The following ARHGEF3 variants were observed in gnomAD, a reference collection of about 807,000 sequenced individuals.
ARHGEF3 encodes 59.8 kDA protein.
Under a neutral mutation model 63.2 loss-of-function variants are expected in ARHGEF3, and 28 were observed. The observed-to-expected ratio is 0.44, with a 90% CI of 0.33 to 0.61. The LOEUF (loss-of-function observed/expected upper bound fraction) is 0.61, where lower values mean the gene tolerates loss of function less well. ARHGEF3 is among the 20% of genes least tolerant of loss of function. The pLI, the probability that ARHGEF3 is intolerant of heterozygous loss-of-function variation, is 0.03. For synonymous variants in ARHGEF3, 266 were observed against 254.2 expected (o/e 1.05, Z -0.44); for missense variants, 533 against 659.3 (o/e 0.81, Z 2.10).
intron 4 of ARHGEF3, among the ~76,000 whole-genome samples, chr3:56,868,799 G>A (rs896850044): frequency 3.3e-5 from 5 of 152,114 alleles, no homozygotes; most frequent in East Asian, 1.9e-4. Context: ...GCTTAGATGC[G>A]CCTTCTCTGT....
intron 2 of ARHGEF3, among the ~76,000 whole-genome samples, chr3:56,981,960 A>G (rs1262731286): frequency 1.3e-5 from 2 of 152,216 alleles, no homozygotes; most frequent in Non-Finnish European, 2.9e-5. Flanking sequence ...GGCTCCAGAG[A>G]TGGGCATGTA....
At chr3:56,987,536 A>C (rs1169661720) in intron 2 of ARHGEF3, among the ~76,000 whole-genome samples, 2 of 151,832 alleles carry the variant, frequency 1.3e-5, no homozygotes, top group Non-Finnish European at 2.9e-5. Context: ...GATGAAAGGG[A>C]CTCTGGGGAC....
chr3:56,929,946 G>C (rs567180533), intron 3 of ARHGEF3, among the ~76,000 whole-genome samples: 12 of 152,120 alleles, frequency 7.9e-5, no homozygotes, highest in Admixed American at 2.0e-4. Flanking sequence ...AACTGACAAT[G>C]CTTTTGCCAG....
intron 2 of ARHGEF3, among the ~76,000 whole-genome samples, chr3:56,970,000 G>C (rs1700839249): frequency 6.6e-6 from 1 of 152,128 alleles, no homozygotes; most frequent in African/African-American, 2.4e-5. Context: ...CAAATCCATA[G>C]AGTCAGAAAG....
At chr3:56,854,297 C>A (rs1443405970) in intron 4 of ARHGEF3, among the ~76,000 whole-genome samples, 1 of 152,082 alleles carries the variant, frequency 6.6e-6, no homozygotes, top group African/African-American at 2.4e-5. Flanking sequence ...AGGACTATGT[C>A]AAGGAAGCCC....
intron 2 of ARHGEF3, among the ~76,000 whole-genome samples, chr3:56,768,936 T>C (rs2035862117): frequency 6.6e-6 from 1 of 152,142 alleles, no homozygotes; most frequent in South Asian, 2.1e-4. Flanking sequence ...GAGATAAGGC[T>C]GAATAGACTG....
At chr3:56,953,793 A>C (rs1464238698) in intron 3 of ARHGEF3, among the ~76,000 whole-genome samples, 1 of 152,158 alleles carries the variant, frequency 6.6e-6, no homozygotes, top group African/African-American at 2.4e-5. Flanking sequence ...TGTTCCTTCA[A>C]AAACATCCAT....
chr3:56,876,345 G>T (rs1160213953), intron 4 of ARHGEF3, among the ~76,000 whole-genome samples: 2 of 152,150 alleles, frequency 1.3e-5, no homozygotes, highest in Non-Finnish European at 2.9e-5. Flanking sequence ...CTACAAAGAG[G>T]TAGGGAGGCC....
At chr3:56,940,551 G>C (rs1431244413) in intron 3 of ARHGEF3, 1 of 152,140 alleles carries the variant, frequency 6.6e-6, no homozygotes, top group Non-Finnish European at 1.5e-5. Context: ...GTGTCAGCAG[G>C]TTGAAGATGA....
chr3:56,894,626 T>A (rs2041239629), intron 3 of ARHGEF3, among the ~76,000 whole-genome samples: 1 of 152,196 alleles, frequency 6.6e-6, no homozygotes, highest in Admixed American at 6.5e-5. Context: ...CCTATCTCTT[T>A]CTCTCTTTTT....
At chr3:56,996,051 T>G (rs1048054934) in intron 2 of ARHGEF3, among the ~76,000 whole-genome samples, 2 of 152,150 alleles carry the variant, frequency 1.3e-5, no homozygotes, top group Non-Finnish European at 2.9e-5. Flanking sequence ...CAGGTGACAG[T>G]GCCCTCCAAG....
At chr3:57,037,708 A>G (rs1334669003) in intron 1 of ARHGEF3, among the ~76,000 whole-genome samples, 1 of 152,182 alleles carries the variant, frequency 6.6e-6, no homozygotes, top group African/African-American at 2.4e-5. Flanking sequence ...ACCCGTCTCT[A>G]TTAAAAACAC....
intron 3 of ARHGEF3, among the ~76,000 whole-genome samples, chr3:56,923,746 A>G (rs1318716783): frequency 1.3e-5 from 2 of 152,198 alleles, no homozygotes; most frequent in African/African-American, 4.8e-5. Flanking sequence ...CACCAGTGAA[A>G]GTGGTTTTTT....
chr3:56,838,358 A>G (rs2039190677), intron 4 of ARHGEF3, among the ~76,000 whole-genome samples: 2 of 152,188 alleles, frequency 1.3e-5, no homozygotes, highest in Admixed American at 6.6e-5. Context: ...ACAGAGATTC[A>G]CTCCCATATT....
At chr3:56,841,117 T>C (rs2039294829) in intron 4 of ARHGEF3, among the ~76,000 whole-genome samples, 1 of 152,210 alleles carries the variant, frequency 6.6e-6, no homozygotes, top group Non-Finnish European at 1.5e-5. Context: ...TCATCTATAC[T>C]GATCAAGTTC....
Position 56,729,361 on chromosome 3 carries a change from A to G in ARHGEF3, c.1490T>C (p.Met497Thr). The G allele has an allele frequency of 6.2e-7, 1 of 1,614,034 alleles. No homozygotes were observed. Residue 497 changes from methionine (M) to threonine (T), a missense_variant, in exon 10 of 10, where the codon ATG becomes ACG. This residue lies in a region of ARHGEF3 where 115 missense variants were observed against 103.4 expected (regional missense o/e 1.11). Coordinates refer to ENST00000296315, the MANE Select transcript of ARHGEF3 (RefSeq NM_019555.3). ...DQSDSESDCS[M>T]DTSEVSLDCE... ...GTCGAGGCTGACCTCACTCGTGTCC[A>G]TACTACAGTCTGACTCACTGTCCGA...
chr3:57,024,203 C>T (rs1579112674), intron 2 of ARHGEF3, among the ~76,000 whole-genome samples: 1 of 151,822 alleles, frequency 6.6e-6, no homozygotes, highest in African/African-American at 2.4e-5. Flanking sequence ...AATCTTCTTT[C>T]CTGCCTAATG....
chr3:57,016,511 G>A (rs371430819), intron 2 of ARHGEF3, among the ~76,000 whole-genome samples: 2 of 152,042 alleles, frequency 1.3e-5, no homozygotes, highest in South Asian at 2.1e-4. Context: ...TCGCACCACC[G>A]CACTCCAGCC....
At chr3:57,079,068 G>A in intron 1 of ARHGEF3, 1 of 318,366 alleles carries the variant, frequency 3.1e-6, no homozygotes, top group Non-Finnish European at 5.8e-6. Context: ...ACTCGGAGGT[G>A]GGAGTGGGGG....
Sources: gnomAD v4.1 joint callset for allele counts (sites outside exome capture counted in the v4.1 genomes callset) on GRCh38, gnomAD v4.1.1 for gene constraint, gnomAD v4.1.1 regional missense constraint, MANE v1.5 for transcripts, NCBI Gene and HGNC (gene_info 2026-07-23, HGNC 2026-07-21) for gene names.